The following ATP8A2 variants were observed in gnomAD, a reference collection of about 807,000 sequenced individuals.
The protein encoded by ATP8A2 is ATPase phospholipid transporting 8A2, also known as phospholipid-transporting ATPase IB.
ATP8A2 carries 100 observed loss-of-function variants against 165.6 expected under a neutral mutation model. That is an observed-to-expected ratio of 0.60 (90% confidence interval 0.51 to 0.71). ATP8A2 has a LOEUF of 0.71. ATP8A2 is among the 30% of genes least tolerant of loss of function. The pLI, the probability that ATP8A2 is intolerant of heterozygous loss-of-function variation, is 0.00. For missense variants in ATP8A2, 1,227 were observed against 1,479.5 expected (o/e 0.83, Z 2.80); for synonymous variants, 543 against 548.8 (o/e 0.99, Z 0.15).
chr13:25,825,145 CTTTTTTTT>C (rs60778003), intron 27 of ATP8A2, among the ~76,000 whole-genome samples: 22 of 27,506 alleles, frequency 8.0e-4, no homozygotes, highest in African/African-American at 2.7e-3. Context: ...TATGTGTTTG[CTTTTTTTT>C]TTTTTTTTTT....
chr13:25,719,657 C>T (rs866282945), intron 25 of ATP8A2, among the ~76,000 whole-genome samples: 2 of 152,202 alleles, frequency 1.3e-5, no homozygotes, highest in African/African-American at 4.8e-5. Flanking sequence ...TGTGTCTTTT[C>T]CTGTCCTGCT....
intron 2 of ATP8A2, among the ~76,000 whole-genome samples, chr13:25,517,550 G>C (rs1305403732): frequency 6.6e-6 from 1 of 152,168 alleles, no homozygotes; most frequent in African/African-American, 2.4e-5. Context: ...ATTATAGGTA[G>C]ACTCTAATTT....
intron 24 of ATP8A2, among the ~76,000 whole-genome samples, chr13:25,693,607 AGT>A (rs2042773722): frequency 6.6e-6 from 1 of 152,158 alleles, no homozygotes; most frequent in East Asian, 1.9e-4. Flanking sequence ...TGTAACTCAA[AGT>A]GTACCAGTAA....
chr13:25,592,003 T>C (rs1184032172), intron 24 of ATP8A2, among the ~76,000 whole-genome samples: 1 of 149,880 alleles, frequency 6.7e-6, no homozygotes, highest in African/African-American at 2.4e-5. Flanking sequence ...TGGTTTGTGA[T>C]TTTTCCATAT....
intron 33 of ATP8A2, among the ~76,000 whole-genome samples, chr13:25,930,783 TG>T (rs1194789643): frequency 6.6e-6 from 1 of 152,156 alleles, no homozygotes; most frequent in Non-Finnish European, 1.5e-5. Context: ...TCTCACTGTC[TG>T]TCAGATAGAA....
intron 33 of ATP8A2, chr13:25,863,227 G>A (rs2138770261): frequency 6.6e-6 from 1 of 152,600 alleles, no homozygotes; most frequent in East Asian, 1.9e-4. Flanking sequence ...GGCCTTCTGT[G>A]GCTGGGTGTG....
intron 2 of ATP8A2, among the ~76,000 whole-genome samples, chr13:25,481,110 A>G (rs937448765): frequency 8.0e-5 from 12 of 149,198 alleles, no homozygotes; most frequent in Non-Finnish European, 1.6e-4. Flanking sequence ...GCAGCAGTAC[A>G]GTCCAGCTTC....
intron 5 of ATP8A2, 38 bp downstream of exon 5, chr13:25,532,355 A>C: frequency 6.6e-7 from 1 of 1,517,436 alleles, no homozygotes; most frequent in Non-Finnish European, 9.1e-7. Flanking sequence ...CCACTGGAAA[A>C]CTTAAGAATA....
chr13:25,813,417 G>GATATGATATGATATT (rs1555270818), intron 27 of ATP8A2, among the ~76,000 whole-genome samples: 1 of 139,952 alleles, frequency 7.1e-6, no homozygotes, highest in African/African-American at 2.7e-5. Flanking sequence ...GATATGATAT[G>GATATGATATGATATT]ATATATGATG....
intron 2 of ATP8A2, among the ~76,000 whole-genome samples, chr13:25,497,726 G>A (rs1170633327): frequency 3.9e-5 from 6 of 152,098 alleles, no homozygotes; most frequent in Admixed American, 3.9e-4. Context: ...GGAGGCCGAG[G>A]CAGGCGGATC....
intron 2 of ATP8A2, among the ~76,000 whole-genome samples, chr13:25,490,481 AC>A (rs1435938151): frequency 1.3e-5 from 2 of 152,172 alleles, no homozygotes; most frequent in African/African-American, 4.8e-5. Flanking sequence ...GAGGAAACAC[AC>A]CAGAAAGAGT....
chr13:25,759,133 G>T (rs907827995), intron 25 of ATP8A2, among the ~76,000 whole-genome samples: 1 of 152,122 alleles, frequency 6.6e-6, no homozygotes, highest in African/African-American at 2.4e-5. Context: ...TGTGGCTCTG[G>T]GGTCTCTTAA....
chr13:25,696,372 C>A (rs1462351075), intron 24 of ATP8A2, among the ~76,000 whole-genome samples: 1 of 152,234 alleles, frequency 6.6e-6, no homozygotes, highest in Non-Finnish European at 1.5e-5. Context: ...TCCTTTGACA[C>A]TTTAAAGCTT....
intron 4 of ATP8A2, among the ~76,000 whole-genome samples, chr13:25,531,202 T>C (rs998489965): frequency 3.9e-4 from 55 of 141,336 alleles, no homozygotes; most frequent in Non-Finnish European, 6.8e-4. Context: ...ATGTTATATA[T>C]GATATATGTT....
chr13:25,629,973 T>C (rs2041198001), intron 24 of ATP8A2, among the ~76,000 whole-genome samples: 3 of 152,320 alleles, frequency 2.0e-5, no homozygotes, highest in East Asian at 1.9e-4. Context: ...GAAGTATTTA[T>C]AGTACTGAAA....
chr13:25,612,976 GT>G (rs1185294731), intron 24 of ATP8A2, among the ~76,000 whole-genome samples: 2 of 151,778 alleles, frequency 1.3e-5, no homozygotes, highest in Non-Finnish European at 2.9e-5. Flanking sequence ...TTTGGTGTCT[GT>G]TTTTTTCTAC....
intron 25 of ATP8A2, among the ~76,000 whole-genome samples, chr13:25,740,659 G>A (rs1236251286): frequency 3.9e-5 from 6 of 152,176 alleles, no homozygotes; most frequent in Non-Finnish European, 5.9e-5. Flanking sequence ...CACTACCCAC[G>A]AGAGGCATTA....
intron 1 of ATP8A2, among the ~76,000 whole-genome samples, chr13:25,445,906 C>T (rs2035054830): frequency 6.6e-6 from 1 of 152,148 alleles, no homozygotes; most frequent in Non-Finnish European, 1.5e-5. Flanking sequence ...GGCTGACCTC[C>T]TTCCCAGCGC....
At chr13:25,687,013 T>C (rs2137836954) in intron 24 of ATP8A2, among the ~76,000 whole-genome samples, 1 of 152,282 alleles carries the variant, frequency 6.6e-6, no homozygotes, top group South Asian at 2.1e-4. Context: ...ACTGTATGAA[T>C]GGCCCACCAA....
Sources: allele counts gnomAD v4.1 joint callset (sites outside exome capture counted in the v4.1 genomes callset), GRCh38; gene constraint gnomAD v4.1.1; transcripts MANE v1.5; gene names NCBI Gene and HGNC (gene_info 2026-07-23, HGNC 2026-07-21).